CNN3: variants seen among roughly 807,000 people sequenced by gnomAD.
CNN3 encodes the protein calponin-3.
A neutral mutation model predicts 39.0 loss-of-function variants in CNN3; 11 were observed. That is an observed-to-expected ratio of 0.28 (90% CI 0.18 to 0.47). The LOEUF (loss-of-function observed/expected upper bound fraction) is 0.47. Ranked by LOEUF, CNN3 falls within the 20% of genes least tolerant of loss-of-function variation. The probability of loss-of-function intolerance (pLI) is 0.99; values close to 1 mark genes in which losing one functional copy is unlikely to be tolerated. For missense variants in CNN3, 266 were observed against 403.4 expected, an observed-to-expected ratio of 0.66 and a Z score of 2.92; for synonymous variants, 101 against 138.3, an observed-to-expected ratio of 0.73 and a Z score of 1.89.
At position 94,897,470 on chromosome 1, in the gene CNN3, T is replaced by C. The variant is rs1488296493; in HGVS notation, c.*272A>G. On this transcript the variant is annotated 3_prime_UTR_variant, in exon 7 of 7. Transcript: ENST00000370206. Reference sequence around the variant, plus strand: ...TAGATTTTTGCATAAAAGAACTGGCTGTACAAGAGTACTCCCCTTTCACAG... The same window carrying C: ...TAGATTTTTGCATAAAAGAACTGGCCGTACAAGAGTACTCCCCTTTCACAG... The C allele has an allele frequency of 3.2e-6, 1 of 317,354 alleles. No homozygotes were observed. 19.7% of individuals were successfully genotyped at this position (317,354 alleles called of 1,614,324 possible).
At chr1:94,909,830 G>A (rs760795004) in intron 1 of CNN3, among the ~76,000 whole-genome samples, 1 of 152,040 alleles carries the variant, frequency 6.6e-6, no homozygotes, top group Non-Finnish European at 1.5e-5. Context: ...GGTACTTCTC[G>A]GTGTACGCCG....
chr1:94,920,179 A>C (rs1671404350), intron 1 of CNN3, among the ~76,000 whole-genome samples: 2 of 152,254 alleles, frequency 1.3e-5, no homozygotes, highest in African/African-American at 4.8e-5. Context: ...CTCAGCCCTA[A>C]GGGCAATGTG....
chr1:94,901,610 C>T, intron 5 of CNN3, 59 bp downstream of exon 5: 1 of 1,178,006 alleles, frequency 8.5e-7, no homozygotes, highest in South Asian at 1.2e-5. Flanking sequence ...TAATATTTTG[C>T]ATGGTGAGAA....
At chr1:94,919,061 G>A (rs1028398558) in intron 1 of CNN3, among the ~76,000 whole-genome samples, 5 of 152,082 alleles carry the variant, frequency 3.3e-5, no homozygotes, top group African/African-American at 1.2e-4. Flanking sequence ...AGAAAAAGAA[G>A]GGGGGGAAGC....
intron 1 of CNN3, among the ~76,000 whole-genome samples, chr1:94,906,182 C>T (rs1435072103): frequency 6.6e-6 from 1 of 151,826 alleles, no homozygotes; most frequent in Non-Finnish European, 1.5e-5. Flanking sequence ...GGGGTTTCAC[C>T]ATGTTGGCCA....
At chr1:94,907,599 G>A (rs1029381854) in intron 1 of CNN3, among the ~76,000 whole-genome samples, 2 of 152,188 alleles carry the variant, frequency 1.3e-5, no homozygotes, top group African/African-American at 2.4e-5. Context: ...AGTGGCTCAC[G>A]CCTGTAATCC....
chr1:94,902,183 C>CATTTTTTTTGAT lies in CNN3; in HGVS notation c.321_322insATCAAAAAAAAT (p.Asn107_Asp108insIleLysLysAsn). ...GTCATGTTTCCATTCTCAAAAAGAT[C>CATTTTTTTTGAT]ATTTGCTTCGAATATGTCATGTGGC... On this transcript the variant is annotated inframe_insertion, in exon 4 of 7. Coordinates refer to ENST00000370206, the MANE Select transcript of CNN3 (RefSeq NM_001839.5). 1 of 1,613,572 alleles carries CATTTTTTTTGAT rather than the reference C, an allele frequency of 6.2e-7. No individual in the cohort carries two copies. Among genetic ancestry groups the CATTTTTTTTGAT allele is most frequent in the Non-Finnish European group, 8.5e-7 (1 of 1,179,472 alleles).
chr1:94,904,701 C>G (rs780070380), intron 1 of CNN3, among the ~76,000 whole-genome samples: 9 of 152,056 alleles, frequency 5.9e-5, no homozygotes, highest in Non-Finnish European at 7.3e-5. Context: ...GAGCCATGAT[C>G]ACACCACTGC....
chr1:94,914,209 T>G (rs1043881615), intron 1 of CNN3, among the ~76,000 whole-genome samples: 2 of 152,128 alleles, frequency 1.3e-5, no homozygotes, highest in African/African-American at 4.8e-5. Context: ...GTCAGGAGCA[T>G]GGGTAACACT....
chr1:94,899,639 G>A (rs1670814172), intron 5 of CNN3, 122 bp from the exon 6 acceptor site: 1 of 979,826 alleles, frequency 1.0e-6, no homozygotes, highest in South Asian at 1.8e-5. Context: ...ACTGAGCTGA[G>A]GCTCCAGTCA....
chr1:94,926,891 T>A lies in CNN3; in HGVS notation c.4A>T (p.Thr2Ser), dbSNP rs1242421632. 6.2e-7 allele frequency: 1 copy of A among 1,608,192 alleles called. No homozygotes were observed. Among genetic ancestry groups the A allele is most frequent in the African/African-American group, 1.4e-5 (1 of 73,908 alleles). Residue 2 changes from threonine (T) to serine (S), a missense_variant, in exon 1 of 7, where the codon ACC becomes TCC. Transcript: ENST00000370206. The surrounding 1 kb of genome is among the most constrained non-coding windows in gnomAD (Gnocchi z 4.2). M[T>S]HFNKGPSYGL... ...TAGGAAGGGCCCTTGTTGAAGTGGGTCATGGTGGTTCGGGCGGCGGGAAGA... is the reference window on the plus strand; with the variant it reads ...TAGGAAGGGCCCTTGTTGAAGTGGGACATGGTGGTTCGGGCGGCGGGAAGA...
Position 94,920,625 on chromosome 1 carries a change from C to G in CNN3, c.57+6213G>C, listed in dbSNP as rs1671418181. Among the ~76,000 whole-genome samples the G allele has an allele frequency of 2.0e-5, 3 of 152,122 alleles. No homozygotes were observed. In the South Asian group the frequency reaches 6.2e-4, roughly 32 times the overall value. On this transcript the variant is annotated intron_variant, in intron 1 of 6. Coordinates refer to ENST00000370206, the MANE Select transcript of CNN3 (RefSeq NM_001839.5). ...TGATATCCTCATTTTACATACAAGA[C>G]AGGCAGGTTAAGTCACTTGCCAAAG...
At chr1:94,910,433 T>C (rs1163155500) in intron 1 of CNN3, among the ~76,000 whole-genome samples, 5 of 151,348 alleles carry the variant, frequency 3.3e-5, no homozygotes, top group African/African-American at 7.3e-5. Context: ...GGGGCTAACA[T>C]GGTCCCAAAA....
In CNN3 at chr1:94,899,447, G is replaced by T; in HGVS notation, c.572C>A (p.Pro191His). The T allele has an allele frequency of 6.2e-7, 1 of 1,613,960 alleles. No homozygotes were observed. Among genetic ancestry groups the T allele is most frequent in the Non-Finnish European group, 8.5e-7 (1 of 1,179,958 alleles). The change falls in exon 6 of 7, where the codon CCC (proline) becomes CAC (histidine). Residue 191 changes from proline to histidine, a missense_variant. Physicochemically the swap from Pro to His is moderately conservative, Grantham distance 77 (BLOSUM62 -2). Coordinates refer to ENST00000370206, the MANE Select transcript of CNN3 (RefSeq NM_001839.5). ...AAAAGGTTTGTCAGTTTGCATTTTG[G>T]GATCATAAAGATGCCTCCTAGTCCC... is the stretch of plus-strand genomic sequence containing the variant. ...AYGTRRHLYD[P>H]KMQTDKPFDQ... is the part of the protein sequence containing the mutation.
intron 1 of CNN3, among the ~76,000 whole-genome samples, chr1:94,915,757 ACAGGGAGGGCTTAGC>A (rs1181407642): frequency 6.6e-6 from 1 of 152,220 alleles, no homozygotes; most frequent in Non-Finnish European, 1.5e-5. Flanking sequence ...CAGTGCGCTC[ACAGGGAGGGCTTAGC>A]CTGGGCCATC....
intron 1 of CNN3, among the ~76,000 whole-genome samples, chr1:94,913,667 C>T (rs928160248): frequency 1.1e-4 from 16 of 152,168 alleles, no homozygotes; most frequent in African/African-American, 3.9e-4. Flanking sequence ...GAGAAACTGG[C>T]TAGCCAGGAG....
Position 94,901,766 on chromosome 1 carries a change from T to A in CNN3, c.404A>T (p.His135Leu), listed in dbSNP as rs752229387. 1 of 1,613,690 alleles carries A rather than the reference T, an allele frequency of 6.2e-7. No individual in the cohort carries two copies. Among genetic ancestry groups the A allele is most frequent in the South Asian group, 1.1e-5 (1 of 91,030 alleles). ...LAGLAKTKGF[H>L]TTIDIGVKYA... ...CTTAACTCCAATGTCAATGGTTGTA[T>A]GGAATCCTTTTGTTTTAGCCTAGAC... Residue 135 changes from histidine to leucine, a missense_variant, in exon 5 of 7, where the codon CAT (histidine) becomes CTT (leucine). Coordinates refer to ENST00000370206, the MANE Select transcript of CNN3 (RefSeq NM_001839.5).
chr1:94,906,870 T>A (rs1671013197), intron 1 of CNN3, among the ~76,000 whole-genome samples: 1 of 152,230 alleles, frequency 6.6e-6, no homozygotes, highest in South Asian at 2.1e-4. Context: ...TTATGCATCC[T>A]TTGTTCAAAA....
At position 94,926,789 on chromosome 1, in the gene CNN3, A is replaced by G; in HGVS notation, c.57+49T>C. 3.2e-6 allele frequency: 5 copies of G among 1,582,964 alleles called. No individual in the cohort carries two copies. The highest frequency in any genetic ancestry group is 4.3e-6 in the Non-Finnish European group (5 of 1,160,442). ...ACGAAGCACGGCCCAGCGCCAGGCC[A>G]GCCCAAGGGTGCCCCGGGGGCCCCC... is the stretch of plus-strand genomic sequence containing the variant. On this transcript the variant is annotated intron_variant, in intron 1 of 6. Coordinates refer to ENST00000370206, the MANE Select transcript of CNN3 (RefSeq NM_001839.5). The surrounding 1 kb of genome is among the most constrained non-coding windows in gnomAD (Gnocchi z 4.2).
Sources: gnomAD v4.1 joint callset for allele counts (sites outside exome capture counted in the v4.1 genomes callset) on GRCh38, gnomAD v4.1.1 for gene constraint, Gnocchi (gnomAD v3.1) non-coding constraint, MANE v1.5 for transcripts, NCBI Gene and HGNC (gene_info 2026-07-23, HGNC 2026-07-21) for gene names.